The following SLIT1 variants were observed in gnomAD, a reference collection of about 807,000 sequenced individuals.
SLIT1 encodes slit homolog 1 protein.
In SLIT1, 66 loss-of-function variants were observed where a neutral mutation model predicts 186.1. The observed-to-expected ratio is 0.35, with a 90% CI of 0.29 to 0.44. The LOEUF is 0.44. Ranked by LOEUF, SLIT1 falls within the 20% of genes least tolerant of loss-of-function variation. The pLI is 1.00. For missense variants in SLIT1, 1,638 were observed against 2,037.4 expected, an observed-to-expected ratio of 0.80 and a Z score of 3.77; for synonymous variants, 761 against 833.8, an observed-to-expected ratio of 0.91 and a Z score of 1.50.
intron 28 of SLIT1, among the ~76,000 whole-genome samples, chr10:97,016,941 C>A (rs1848459257): frequency 6.6e-6 from 1 of 152,304 alleles, no homozygotes; most frequent in Admixed American, 6.5e-5. Context: ...GTCAGTTTCA[C>A]ATTTCAGAAA....
chr10:97,079,419 A>C (rs1849081611), intron 4 of SLIT1, among the ~76,000 whole-genome samples: 1 of 152,192 alleles, frequency 6.6e-6, no homozygotes, highest in Non-Finnish European at 1.5e-5. Context: ...ACTTTTCAGA[A>C]TATATGTTAT....
chr10:97,115,115 T>C (rs1191899223), intron 4 of SLIT1, among the ~76,000 whole-genome samples: 1 of 152,222 alleles, frequency 6.6e-6, no homozygotes, highest in Non-Finnish European at 1.5e-5. Context: ...TCAGAGGCCA[T>C]GTGAGCTTCA....
At chr10:97,064,917 C>A in intron 5 of SLIT1, 41 bp from the exon 6 acceptor site, 1 of 1,538,392 alleles carries the variant, frequency 6.5e-7, no homozygotes, top group Non-Finnish European at 9.0e-7. Flanking sequence ...GGGCACATTG[C>A]CTAGAGTAAG....
intron 28 of SLIT1, among the ~76,000 whole-genome samples, chr10:97,017,994 G>A (rs1185085614): frequency 4.6e-5 from 7 of 151,846 alleles, no homozygotes; most frequent in South Asian, 2.1e-4. Context: ...GATTACAGGC[G>A]CGTGCCACCA....
intron 7 of SLIT1, 129 bp from the exon 8 acceptor site, chr10:97,063,747 C>T (rs1848916627): frequency 9.9e-7 from 1 of 1,009,142 alleles, no homozygotes; most frequent in Non-Finnish European, 1.4e-6. Context: ...TACATTTAGT[C>T]AAGTAGACGG....
chr10:97,097,597 G>A (rs1849305255), intron 4 of SLIT1, among the ~76,000 whole-genome samples: 2 of 152,160 alleles, frequency 1.3e-5, no homozygotes, highest in Non-Finnish European at 1.5e-5. Flanking sequence ...TTCCCTATGT[G>A]GATGCTAATA....
At position 97,003,071 on chromosome 10, in the gene SLIT1, C is replaced by G. The variant is rs1010863645; in HGVS notation, c.3866-79G>C. On this transcript the variant is annotated intron_variant, in intron 34 of 36. Coordinates refer to ENST00000266058, the MANE Select transcript of SLIT1 (RefSeq NM_003061.3). Reference sequence around the variant, plus strand: ...GCACCCACCCCTGAGGTCTGGGCAGCTCCATGGCCTTCCCTCTTGCCTGCG... The same window carrying G: ...GCACCCACCCCTGAGGTCTGGGCAGGTCCATGGCCTTCCCTCTTGCCTGCG... 91 of 1,369,160 alleles carry G rather than the reference C, an allele frequency of 6.6e-5. No individual in the cohort carries two copies. The Admixed American group carries it at 8.9e-4, about 13-fold the overall frequency. The allele number at this position is 1,369,160 out of a possible 1,614,324, so 84.8% of individuals were successfully genotyped here. A position where few individuals can be genotyped will look rare whatever the true frequency, so the allele number is the denominator to read the frequency against.
rs546444752 is a variant in SLIT1, at chr10:96,998,861, G to T, written c.*2251C>A. 1.9e-4 allele frequency: 29 copies of T among 152,376 alleles called. No homozygotes were observed. The highest frequency in any genetic ancestry group is 6.5e-4 in the African/African-American group (27 of 41,576). The allele number at this position is 152,376 out of a possible 1,614,324, so 9.4% of individuals were successfully genotyped here. On this transcript the variant is annotated 3_prime_UTR_variant, in exon 37 of 37. Transcript: ENST00000266058. ...CCAGCCCCATGGCGCCAGGTGAGGGGTGAGCATCACCTGTCTACAGGTGTC... is the reference window on the plus strand; with the variant it reads ...CCAGCCCCATGGCGCCAGGTGAGGGTTGAGCATCACCTGTCTACAGGTGTC...
At position 97,021,543 on chromosome 10, in the gene SLIT1, G is replaced by T; in HGVS notation, c.2583-130C>A. On this transcript the variant is annotated intron_variant, in intron 25 of 36. Transcript: ENST00000266058. This position sits in a 1 kb window ranked among gnomAD's most constrained non-coding sequence, Gnocchi z 4.5. ...AGCCTCCATTTCATGAGCATTTACT[G>T]TATAGTCAGTGCTGCTTTTTTTTTT... 2.8e-6 allele frequency: 2 copies of T among 707,038 alleles called. No homozygotes were observed. Among genetic ancestry groups the T allele is most frequent in the Non-Finnish European group, 4.6e-6 (2 of 439,132 alleles). 43.8% of individuals were successfully genotyped at this position (707,038 alleles called of 1,614,324 possible).
Position 97,185,471 on chromosome 10 carries a change from TACTC to T in SLIT1, c.197+3_197+6del. On this transcript the variant is annotated splice_donor_5th_base_variant and intron_variant, in intron 1 of 36. Transcript: ENST00000266058. ...GCCAGGGAGCCAGGGGCGGGGACCATACTCACAGGCGCTCGGTGTTCCGAGGTAT... is the reference window on the plus strand; with the variant it reads ...GCCAGGGAGCCAGGGGCGGGGACCATACAGGCGCTCGGTGTTCCGAGGTAT... The T allele has an allele frequency of 6.2e-7, 1 of 1,610,426 alleles. No individual in the cohort carries two copies. The highest frequency in any genetic ancestry group is 1.1e-5 in the South Asian group (1 of 90,704).
At chr10:97,065,763 C>T (rs547732883) in intron 5 of SLIT1, 19 of 457,198 alleles carry the variant, frequency 4.2e-5, no homozygotes, top group South Asian at 1.3e-4. Context: ...GCTGATAACA[C>T]GCTTCACCAG....
chr10:97,048,597 T>A (rs779289988), intron 14 of SLIT1, among the ~76,000 whole-genome samples: 1 of 152,162 alleles, frequency 6.6e-6, no homozygotes. Flanking sequence ...ACCATTCAGA[T>A]CAAGTCTAGA....
intron 4 of SLIT1, among the ~76,000 whole-genome samples, chr10:97,141,566 G>A (rs1849757924): frequency 6.6e-6 from 1 of 152,168 alleles, no homozygotes; most frequent in African/African-American, 2.4e-5. Flanking sequence ...GAACAGGACT[G>A]CCCTCCCCTG....
chr10:97,048,426 C>T (rs1848755943), intron 14 of SLIT1, among the ~76,000 whole-genome samples: 1 of 152,152 alleles, frequency 6.6e-6, no homozygotes, highest in African/African-American at 2.4e-5. Context: ...TCCTATCTCA[C>T]TAAGGAGGGT....
chr10:97,131,338 G>A (rs115475336), intron 4 of SLIT1, among the ~76,000 whole-genome samples: 2,697 of 152,302 alleles, frequency 0.018, 75 homozygotes, highest in African/African-American at 0.061. Flanking sequence ...AAACAAATTC[G>A]CCTGGGCGCT....
chr10:97,014,964 G>A (rs768011963), intron 28 of SLIT1, among the ~76,000 whole-genome samples: 13 of 152,118 alleles, frequency 8.5e-5, no homozygotes, highest in Non-Finnish European at 1.5e-4. Flanking sequence ...GGAGCACAGT[G>A]AGCAAAGGGC....
chr10:97,164,755 G>A (rs1331368353), intron 2 of SLIT1, 64 bp downstream of exon 2: 1 of 1,266,676 alleles, frequency 7.9e-7, no homozygotes, highest in Non-Finnish European at 1.2e-6. Context: ...CCACAGCCAG[G>A]GCCCTGCCCA....
At position 97,185,632 on chromosome 10, in the gene SLIT1, G is replaced by C. The variant is rs375276519; in HGVS notation, c.43C>G (p.Arg15Gly). 9 of 1,543,168 alleles carry C rather than the reference G, an allele frequency of 5.8e-6. No homozygotes were observed. Among genetic ancestry groups the C allele is most frequent in the Non-Finnish European group, 7.9e-6 (9 of 1,146,386 alleles). Residue 15 changes from arginine to glycine, a missense_variant, in exon 1 of 37, where the codon CGG (arginine) becomes GGG (glycine). Coordinates refer to ENST00000266058, the MANE Select transcript of SLIT1 (RefSeq NM_003061.3). Reference protein sequence around the residue: ...PGWGSSAGPVRPELWLLLWAA... With the variant: ...PGWGSSAGPVGPELWLLLWAA... ...CACAGCAGCAGCCAGAGCTCCGGCC[G>C]GACCGGCCCCGCCGAGGACCCCCAC...
chr10:97,057,362 A>T, intron 11 of SLIT1, 81 bp from the exon 12 acceptor site: 1 of 1,117,538 alleles, frequency 8.9e-7, no homozygotes, highest in Non-Finnish European at 1.4e-6. Context: ...GCCCCAGCTC[A>T]ACAGCGCTGC....
Sources: allele counts gnomAD v4.1 joint callset (sites outside exome capture counted in the v4.1 genomes callset), GRCh38; gene constraint gnomAD v4.1.1; non-coding constraint Gnocchi (gnomAD v3.1); transcripts MANE v1.5; gene names NCBI Gene and HGNC (gene_info 2026-07-23, HGNC 2026-07-21).